C3orf22: variants seen among roughly 807,000 people sequenced by gnomAD.
C3orf22 encodes the protein uncharacterized protein C3orf22.
C3orf22 carries 7 observed loss-of-function variants against 10.8 expected under a neutral mutation model. The observed-to-expected ratio is 0.65, with a 90% CI of 0.37 to 1.22. C3orf22 has a LOEUF of 1.22. C3orf22 is among the 50% of genes most tolerant of loss of function. C3orf22 has a pLI of 0.02. For missense variants in C3orf22, 173 were observed against 177.0 expected, an observed-to-expected ratio of 0.98 and a Z score of 0.13; for synonymous variants, 79 against 78.9, an observed-to-expected ratio of 1.00 and a Z score of 0.00.
intron 4 of C3orf22, chr3:126,536,143 A>T: frequency 1.4e-6 from 1 of 702,660 alleles, no homozygotes; most frequent in Non-Finnish European, 2.5e-6. Context: ...CCTAGGAGGT[A>T]GGCAAGATCC....
chr3:126,542,870 CA>C, intron 4 of C3orf22: 1 of 310,054 alleles, frequency 3.2e-6, no homozygotes, highest in Non-Finnish European at 5.8e-6. Context: ...ACTTGATAAC[CA>C]GGGTTTTAGG....
rs1446271165 is a variant in C3orf22, at chr3:126,553,302, C to T, written c.89G>A (p.Arg30Lys). The change falls in exon 2 of 4, where the codon AGG (arginine) becomes AAG (lysine). Residue 30 changes from arginine (R) to lysine (K), a missense_variant and splice_region_variant. By Grantham distance (26) the Arg-to-Lys change is conservative. Coordinates refer to ENST00000318225, the MANE Select transcript of C3orf22 (RefSeq NM_152533.3). ...CTCCAGAGGTGTCAGCCTCCCGCAC[C>T]TGTACGGAAACTTCTTGGCAAAATT... ...QENFAKKFPY[R>K]LSWLTEPDPE... 1.9e-6 allele frequency: 3 copies of T among 1,612,410 alleles called. No individual in the cohort carries two copies. In the East Asian group the frequency reaches 6.7e-5, roughly 36 times the overall value.
intron 4 of C3orf22, among the ~76,000 whole-genome samples, chr3:126,532,312 C>T (rs747098440): frequency 8.5e-5 from 13 of 152,080 alleles, no homozygotes; most frequent in Non-Finnish European, 1.9e-4. Flanking sequence ...TTGTTTTGTG[C>T]TTTTGGTGTC....
intron 1 of C3orf22, among the ~76,000 whole-genome samples, chr3:126,553,852 G>A (rs1218732205): frequency 1.3e-5 from 2 of 152,060 alleles, no homozygotes; most frequent in Admixed American, 1.3e-4. Context: ...TGTCCCTCCT[G>A]CTGCTGAGCA....
At chr3:126,553,036 C>T (rs1053017507) in intron 2 of C3orf22, among the ~76,000 whole-genome samples, 2 of 152,232 alleles carry the variant, frequency 1.3e-5, no homozygotes, top group Admixed American at 6.5e-5. Context: ...TGGCCATGCT[C>T]CTCGCGTGAC....
intron 4 of C3orf22, chr3:126,543,083 A>C (rs946740875): frequency 6.6e-6 from 1 of 152,196 alleles, no homozygotes; most frequent in African/African-American, 2.4e-5. Flanking sequence ...GCCAGGTGGG[A>C]GCTGCCTTCC....
rs1000843897 is a variant in C3orf22, at chr3:126,549,878, C to A, written c.416G>T (p.Gly139Val). 3 of 1,612,452 alleles carry A rather than the reference C, an allele frequency of 1.9e-6. No homozygotes were observed. The highest frequency in any genetic ancestry group is 2.5e-6 in the Non-Finnish European group (3 of 1,179,346). ...CACAGAGCCCAGTCTCTAGGAGAGGCCCCTGGACAGCCCTGCCGCCTTGCT... is the reference window on the plus strand; with the variant it reads ...CACAGAGCCCAGTCTCTAGGAGAGGACCCTGGACAGCCCTGCCGCCTTGCT... ...QTSKAAGLSR[G>V]LS Residue 139 changes from glycine (G) to valine (V), a missense_variant, in exon 4 of 4, where the codon GGC becomes GTC. By Grantham distance (109) the Gly-to-Val change is moderately radical. Transcript: ENST00000318225.
Position 126,542,258 on chromosome 3 carries a change from C to A in C3orf22, c.286+7279G>T. 4 of 1,549,172 alleles carry A rather than the reference C, an allele frequency of 2.6e-6. No homozygotes were observed. The South Asian group carries it at 4.7e-5, about 18-fold the overall frequency. On this transcript the variant is annotated intron_variant and NMD_transcript_variant, in intron 4 of 5. Coordinates refer to the C3orf22 transcript ENST00000505070. ...GTTCCTGGCCTACCTGCTGGACCCG[C>A]GCACGCGGCGTGAGGAGCCCTTCAA...
chr3:126,553,052 G>C (rs1490747), intron 2 of C3orf22, among the ~76,000 whole-genome samples: 57,649 of 152,154 alleles, frequency 0.38, 11,590 homozygotes, highest in African/African-American at 0.52. Flanking sequence ...GTGACTTGGG[G>C]AAGCAGCTGG....
chr3:126,550,047 C>T lies in C3orf22; in HGVS notation c.247G>A (p.Gly83Ser). 6.2e-7 allele frequency: 1 copy of T among 1,613,912 alleles called. No individual in the cohort carries two copies. ...GCTGGTAGTGGTGCCGGGCAGGAGC[C>T]AGACGGTGATGTAAAATCTGGAGCC... ...LGAPDFTSPS[G>S]SCPAPLPAPS... The change falls in exon 4 of 4, where the codon GGC becomes AGC. Residue 83 changes from glycine to serine, a missense_variant. By Grantham distance (56) the Gly-to-Ser change is moderately conservative. Coordinates refer to ENST00000318225, the MANE Select transcript of C3orf22 (RefSeq NM_152533.3).
rs968135111 is a variant in C3orf22 at position 126,558,733 on chromosome 3, C to T, written c.-147G>A. 1 of 152,532 alleles carries T rather than the reference C, an allele frequency of 6.6e-6. No individual in the cohort carries two copies. Among genetic ancestry groups the T allele is most frequent in the Non-Finnish European group, 1.5e-5 (1 of 68,306 alleles). 9.4% of individuals were successfully genotyped at this position (152,532 alleles called of 1,614,324 possible). A position where few individuals can be genotyped will look rare whatever the true frequency, so the allele number is the denominator to read the frequency against. On this transcript the variant is annotated 5_prime_UTR_variant, in exon 1 of 4. Coordinates refer to ENST00000318225, the MANE Select transcript of C3orf22 (RefSeq NM_152533.3). ...GCTGGTGTGAGAGCCGCTGTGGCCC[C>T]CGAGGCTGGCAGGGCCCTGGCTACA...
chr3:126,528,211 C>G (rs976402045), intron 5 of C3orf22, among the ~76,000 whole-genome samples: 1 of 151,884 alleles, frequency 6.6e-6, no homozygotes, highest in African/African-American at 2.4e-5. Context: ...GGGGCTCAGT[C>G]ATGAATAGTC....
At chr3:126,536,913 ACACACACACACCC>A (rs2107568891) in intron 4 of C3orf22, among the ~76,000 whole-genome samples, 1 of 151,244 alleles carries the variant, frequency 6.6e-6, no homozygotes, top group African/African-American at 2.4e-5. Flanking sequence ...ACACACACAC[ACACACACACACCC>A]CACACACACA....
downstream of C3orf22, among the ~76,000 whole-genome samples, chr3:126,546,065 C>G (rs1468052733): frequency 6.6e-6 from 1 of 152,206 alleles, no homozygotes; most frequent in African/African-American, 2.4e-5. Context: ...TGGCCTGAAC[C>G]TAGCCCACTG....
At chr3:126,542,697 G>C in intron 4 of C3orf22, 1 of 1,337,484 alleles carries the variant, frequency 7.5e-7, no homozygotes, top group Non-Finnish European at 9.6e-7. Flanking sequence ...CACTCACCTG[G>C]CCGCCGGGCC....
chr3:126,540,724 A>G (rs974118898), intron 4 of C3orf22, among the ~76,000 whole-genome samples: 5 of 152,150 alleles, frequency 3.3e-5, no homozygotes, highest in Non-Finnish European at 7.3e-5. Flanking sequence ...AGTTCTCTTG[A>G]GAATATGCCT....
In C3orf22 at chr3:126,541,646, C is replaced by G. The variant is rs1330735056; in HGVS notation, c.286+7891G>C. 4 of 1,260,998 alleles carry G rather than the reference C, an allele frequency of 3.2e-6. No individual in the cohort carries two copies. The East Asian group carries it at 9.1e-5, about 29-fold the overall frequency. 78.1% of individuals were successfully genotyped at this position (1,260,998 alleles called of 1,614,324 possible). A position where few individuals can be genotyped will look rare whatever the true frequency, so the allele number is the denominator to read the frequency against. ...CGGCGCAGCTCCTGCTCCCAATTCC[C>G]GGGCGCATCCCGCCGGGGCAGCGCC... On this transcript the variant is annotated intron_variant and NMD_transcript_variant, in intron 4 of 5. Transcript: ENST00000505070.
rs58576050 is a variant in C3orf22 at position 126,542,014 on chromosome 3, C to T, written c.286+7523G>A. 2,721 of 1,565,364 alleles carry T rather than the reference C, an allele frequency of 1.7e-3. 46 individuals carry two copies. The African/African-American group carries it at 0.033, about 19-fold the overall frequency. ...CTGGCCGCCTGCCCTCACTGGCCGA[C>T]TTCAGCCCCGCCGAGATCAACCGGC... On this transcript the variant is annotated intron_variant and NMD_transcript_variant, in intron 4 of 5. Coordinates refer to the C3orf22 transcript ENST00000505070.
intron 4 of C3orf22, chr3:126,541,587 T>A: frequency 1.5e-6 from 1 of 657,512 alleles, no homozygotes; most frequent in South Asian, 2.3e-5. Context: ...CACACAGTGA[T>A]CAGTGACAGC....
Sources: gnomAD v4.1 joint callset for allele counts (sites outside exome capture counted in the v4.1 genomes callset) on GRCh38, gnomAD v4.1.1 for gene constraint, MANE v1.5 for transcripts, NCBI Gene and HGNC (gene_info 2026-07-23, HGNC 2026-07-21) for gene names.